FLRT2: variants seen among roughly 807,000 people sequenced by gnomAD.
FLRT2 encodes fibronectin leucine rich transmembrane protein 2, also known as leucine-rich repeat transmembrane protein FLRT2.
In FLRT2, 15 loss-of-function variants were observed where a neutral mutation model predicts 40.0. The ratio of observed to expected loss-of-function variants is 0.38; its 90% confidence interval spans 0.25 to 0.58. The LOEUF is 0.58. FLRT2 is among the 20% of genes least tolerant of loss of function. The pLI, the probability that FLRT2 is intolerant of heterozygous loss-of-function variation, is 0.71. For synonymous variants in FLRT2, 380 were observed against 336.8 expected, an observed-to-expected ratio of 1.13 and a Z score of -1.41; for missense variants, 726 against 840.0, an observed-to-expected ratio of 0.86 and a Z score of 1.68.
chr14:85,634,244 T>C lies in FLRT2; in HGVS notation c.*10747T>C, dbSNP rs1032283074. ...ACATTTGATGAGGGGGGAAATATAC[T>C]TTTTCAGTCCTTGACTGCATGATTT... On this transcript the variant is annotated 3_prime_UTR_variant, in exon 2 of 2. Transcript: ENST00000330753. The C allele has an allele frequency of 1.3e-5, 2 of 152,218 alleles. No individual in the cohort carries two copies. The highest frequency in any genetic ancestry group is 4.8e-5 in the African/African-American group (2 of 41,444). 9.4% of individuals were successfully genotyped at this position (152,218 alleles called of 1,614,324 possible).
chr14:85,644,329 T>C lies in FLRT2; in HGVS notation c.*20832T>C, dbSNP rs1239517791. ...AGAAATTTCTTTCTTTTTATCTCAA[T>C]AGGCAAAGAACACTAAAGTAGTCTG... On this transcript the variant is annotated 3_prime_UTR_variant, in exon 2 of 2. Transcript: ENST00000330753. 6.6e-6 allele frequency: 1 copy of C among 152,188 alleles called. No individual in the cohort carries two copies. The highest frequency in any genetic ancestry group is 1.5e-5 in the Non-Finnish European group (1 of 68,026). 9.4% of individuals were successfully genotyped at this position (152,188 alleles called of 1,614,324 possible). A position where few individuals can be genotyped will look rare whatever the true frequency, so the allele number is the denominator to read the frequency against.
chr14:85,545,442 A>G (rs1402306446), intron 1 of FLRT2, among the ~76,000 whole-genome samples: 1 of 152,200 alleles, frequency 6.6e-6, no homozygotes, highest in Non-Finnish European at 1.5e-5. Context: ...TGGACACTGG[A>G]TAATTTCCAA....
chr14:85,625,860 T>G lies in FLRT2; in HGVS notation c.*2363T>G, dbSNP rs902282727. On this transcript the variant is annotated 3_prime_UTR_variant, in exon 2 of 2. Coordinates refer to ENST00000330753, the MANE Select transcript of FLRT2 (RefSeq NM_013231.6). ...AAATACTCATTCTCATTTATGTATA[T>G]TGTATGTTTAACCCCCAGTGGGATT... The G allele has an allele frequency of 1.2e-5, 2 of 167,122 alleles. No homozygotes were observed. Among genetic ancestry groups the G allele is most frequent in the African/African-American group, 2.4e-5 (1 of 41,456 alleles). The allele number at this position is 167,122 out of a possible 1,614,324, so 10.4% of individuals were successfully genotyped here. A position where few individuals can be genotyped will look rare whatever the true frequency, so the allele number is the denominator to read the frequency against.
chr14:85,556,706 A>G (rs1187998526), intron 1 of FLRT2, among the ~76,000 whole-genome samples: 1 of 152,226 alleles, frequency 6.6e-6, no homozygotes, highest in African/African-American at 2.4e-5. Flanking sequence ...TTGAGGAATT[A>G]AATGAGTTAA....
At chr14:85,603,653 G>A (rs752164348) in intron 1 of FLRT2, among the ~76,000 whole-genome samples, 9 of 152,118 alleles carry the variant, frequency 5.9e-5, no homozygotes, top group Non-Finnish European at 1.0e-4. Flanking sequence ...CAGATCACCT[G>A]AGGTCAGGAG....
At chr14:85,580,153 C>G (rs1234994417) in intron 1 of FLRT2, among the ~76,000 whole-genome samples, 1 of 151,930 alleles carries the variant, frequency 6.6e-6, no homozygotes, top group African/African-American at 2.4e-5. Context: ...TTTACATAAG[C>G]TTTGGATTGG....
At chr14:85,532,310 C>A (rs1200155164) in intron 1 of FLRT2, among the ~76,000 whole-genome samples, 1 of 152,206 alleles carries the variant, frequency 6.6e-6, no homozygotes, top group Non-Finnish European at 1.5e-5. Context: ...CTCTTCTGTT[C>A]AGATTCAGCC....
At position 85,621,244 on chromosome 14, in the gene FLRT2, G is replaced by A. The variant is rs139512803; in HGVS notation, c.-271G>A. The A allele has an allele frequency of 4.1e-4, 194 of 474,400 alleles. No homozygotes were observed. Among genetic ancestry groups the A allele is most frequent in the African/African-American group, 3.4e-3 (173 of 51,422 alleles). The allele number at this position is 474,400 out of a possible 1,614,324, so 29.4% of individuals were successfully genotyped here. ...TGCCCACTTGGGCTTGTGTTGACACGGCTGATAACTTGCCATCACCTGTTG... is the reference window on the plus strand; with the variant it reads ...TGCCCACTTGGGCTTGTGTTGACACAGCTGATAACTTGCCATCACCTGTTG... On this transcript the variant is annotated 5_prime_UTR_variant, in exon 2 of 2. Transcript: ENST00000330753.
intron 1 of FLRT2, among the ~76,000 whole-genome samples, chr14:85,570,375 TAATC>T (rs1890832069): frequency 6.6e-6 from 1 of 152,132 alleles, no homozygotes; most frequent in Non-Finnish European, 1.5e-5. Flanking sequence ...TTTCTTACCT[TAATC>T]TGATTACAGT....
At position 85,625,342 on chromosome 14, in the gene FLRT2, TTC is replaced by T. The variant is rs1566767186; in HGVS notation, c.*1847_*1848del. ...CAGCAAAATAAAACTGTGATGTGTC[TTC>T]TTTGTAAAAGTTTAGGTATAAAATG... On this transcript the variant is annotated 3_prime_UTR_variant, in exon 2 of 2. Transcript: ENST00000330753. The T allele has an allele frequency of 6.0e-6, 1 of 167,080 alleles. No homozygotes were observed. Among genetic ancestry groups the T allele is most frequent in the Non-Finnish European group, 1.5e-5 (1 of 68,134 alleles). 10.3% of individuals were successfully genotyped at this position (167,080 alleles called of 1,614,324 possible).
At chr14:85,566,237 C>A (rs1027773115) in intron 1 of FLRT2, among the ~76,000 whole-genome samples, 1 of 152,116 alleles carries the variant, frequency 6.6e-6, no homozygotes, top group African/African-American at 2.4e-5. Context: ...CACAATGATA[C>A]TTGGCCTAAT....
intron 1 of FLRT2, among the ~76,000 whole-genome samples, chr14:85,610,967 C>A (rs1223778715): frequency 2.6e-5 from 4 of 152,158 alleles, no homozygotes. Flanking sequence ...GCAATCTCGG[C>A]TCACTGCATC....
intron 1 of FLRT2, among the ~76,000 whole-genome samples, chr14:85,582,262 T>C (rs1386260307): frequency 6.6e-6 from 1 of 152,206 alleles, no homozygotes; most frequent in East Asian, 1.9e-4. Flanking sequence ...ATATATGTGT[T>C]TGTATATGCA....
chr14:85,557,673 C>T (rs906892905), intron 1 of FLRT2, among the ~76,000 whole-genome samples: 37 of 151,810 alleles, frequency 2.4e-4, no homozygotes, highest in African/African-American at 8.5e-4. Context: ...AAAAATTAGC[C>T]GGGTGTGGTG....
chr14:85,571,644 G>A (rs765973285), intron 1 of FLRT2, among the ~76,000 whole-genome samples: 13 of 152,086 alleles, frequency 8.5e-5, no homozygotes, highest in Non-Finnish European at 1.3e-4. Context: ...GGTGGGCTGT[G>A]GTGGGTCAGC....
At chr14:85,541,148 T>C (rs113244712) in intron 1 of FLRT2, among the ~76,000 whole-genome samples, 2 of 152,166 alleles carry the variant, frequency 1.3e-5, no homozygotes, top group African/African-American at 4.8e-5. Flanking sequence ...AGGGAAACTG[T>C]AAATGAAGAA....
At chr14:85,595,612 A>G (rs1892103195) in intron 1 of FLRT2, among the ~76,000 whole-genome samples, 1 of 152,096 alleles carries the variant, frequency 6.6e-6, no homozygotes, top group African/African-American at 2.4e-5. Context: ...GGAAGAAAGA[A>G]CCCTTTGAAG....
intron 1 of FLRT2, among the ~76,000 whole-genome samples, chr14:85,542,809 G>A (rs541690629): frequency 1.3e-5 from 2 of 152,224 alleles, no homozygotes; most frequent in South Asian, 2.1e-4. Flanking sequence ...TTTGAGTCAC[G>A]AGCTTGTAAC....
At chr14:85,558,594 A>AT (rs952016906) in intron 1 of FLRT2, among the ~76,000 whole-genome samples, 11 of 152,098 alleles carry the variant, frequency 7.2e-5, no homozygotes, top group South Asian at 2.1e-4. Context: ...TTCTTCAATC[A>AT]TTTTTTTGTT....
Sources: gnomAD v4.1 joint callset for allele counts (sites outside exome capture counted in the v4.1 genomes callset) on GRCh38, gnomAD v4.1.1 for gene constraint, MANE v1.5 for transcripts, NCBI Gene and HGNC (gene_info 2026-07-23, HGNC 2026-07-21) for gene names.